The following FBXL17 variants were observed in gnomAD, a reference collection of about 807,000 sequenced individuals.
FBXL17 encodes the protein F-box/LRR-repeat protein 17.
FBXL17 carries 22 observed loss-of-function variants against 66.2 expected under a neutral mutation model. The ratio of observed to expected loss-of-function variants is 0.33; its 90% CI spans 0.24 to 0.47. FBXL17 has a LOEUF of 0.47. FBXL17 is among the 20% of genes least tolerant of loss of function. The probability of loss-of-function intolerance (pLI) is 1.00; values close to 1 mark genes in which losing one functional copy is unlikely to be tolerated. For synonymous variants in FBXL17, 474 were observed against 400.5 expected (o/e 1.18, Z -2.19); for missense variants, 878 against 948.2 (o/e 0.93, Z 0.97).
At chr5:108,200,008 CT>C (rs1375603357) in intron 5 of FBXL17, among the ~76,000 whole-genome samples, 1 of 152,074 alleles carries the variant, frequency 6.6e-6, no homozygotes, top group Admixed American at 6.6e-5. Context: ...GCTGAAGACA[CT>C]GAAGCTGATC....
chr5:108,136,554 T>C (rs1041353708), intron 6 of FBXL17, among the ~76,000 whole-genome samples: 3 of 152,300 alleles, frequency 2.0e-5, no homozygotes, highest in African/African-American at 4.8e-5. Flanking sequence ...AATAGCTGAA[T>C]AGCTTCTGCA....
chr5:107,926,944 G>A (rs534884315), intron 7 of FBXL17, among the ~76,000 whole-genome samples: 2 of 151,764 alleles, frequency 1.3e-5, no homozygotes, highest in African/African-American at 2.4e-5. Context: ...TAAAATTACC[G>A]GTTAAACATT....
At chr5:108,297,870 A>T (rs1472752758) in intron 4 of FBXL17, 1 of 910,364 alleles carries the variant, frequency 1.1e-6, no homozygotes, top group East Asian at 1.2e-4. Context: ...TACAGTTTTT[A>T]CAACAAACAA....
rs1182133885 is a variant in FBXL17 at position 108,345,577 on chromosome 5, A to G, written c.1506+2822T>C. Among the ~76,000 whole-genome samples the G allele has an allele frequency of 3.3e-5, 5 of 149,884 alleles. No individual in the cohort carries two copies. The Admixed American group carries it at 3.4e-4, about 10-fold the overall frequency. On this transcript the variant is annotated intron_variant, in intron 4 of 8. Transcript: ENST00000542267. Reference sequence around the variant, plus strand: ...TGGTAAGTTCATCCTGTGGCATTCTAGATACAATTATTTTAAATAACTTAA... The same window carrying G: ...TGGTAAGTTCATCCTGTGGCATTCTGGATACAATTATTTTAAATAACTTAA...
At chr5:107,907,276 T>C (rs553117159) in intron 7 of FBXL17, among the ~76,000 whole-genome samples, 1 of 152,270 alleles carries the variant, frequency 6.6e-6, no homozygotes, top group South Asian at 2.1e-4. Flanking sequence ...ATGATCTAAA[T>C]GGGGAAGCTC....
At chr5:107,923,250 G>T (rs1750383334) in intron 7 of FBXL17, among the ~76,000 whole-genome samples, 1 of 152,104 alleles carries the variant, frequency 6.6e-6, no homozygotes, top group Non-Finnish European at 1.5e-5. Context: ...GTCATTTCAG[G>T]AAAGCACAAA....
chr5:108,214,553 G>T (rs1204045107), intron 5 of FBXL17, among the ~76,000 whole-genome samples: 3 of 151,800 alleles, frequency 2.0e-5, no homozygotes, highest in Non-Finnish European at 2.9e-5. Context: ...AATATTTTTA[G>T]TAGAGACAGC....
At chr5:108,362,730 T>A (rs962290405) in intron 3 of FBXL17, among the ~76,000 whole-genome samples, 1 of 152,032 alleles carries the variant, frequency 6.6e-6, no homozygotes, top group African/African-American at 2.4e-5. Context: ...GAGCTCCAAA[T>A]TGAAATGCTA....
chr5:108,135,473 C>T (rs554954552), intron 6 of FBXL17, among the ~76,000 whole-genome samples: 4 of 152,176 alleles, frequency 2.6e-5, no homozygotes, highest in African/African-American at 9.6e-5. Context: ...AATGAAACCA[C>T]GTTTATAATA....
chr5:108,143,229 C>T (rs564268568), intron 6 of FBXL17, among the ~76,000 whole-genome samples: 2 of 151,842 alleles, frequency 1.3e-5, no homozygotes, highest in East Asian at 1.9e-4. Flanking sequence ...AATTTCAATG[C>T]TTAAAGGAGA....
intron 6 of FBXL17, among the ~76,000 whole-genome samples, chr5:108,128,770 C>A (rs1750814015): frequency 2.0e-5 from 3 of 152,032 alleles, no homozygotes. Flanking sequence ...AAGAAAGCAA[C>A]TGGGAAACAC....
At chr5:108,321,519 A>G (rs988163465) in intron 4 of FBXL17, among the ~76,000 whole-genome samples, 3 of 151,938 alleles carry the variant, frequency 2.0e-5, no homozygotes, top group African/African-American at 7.2e-5. Flanking sequence ...CTATTCTCTT[A>G]AAGAATCTGC....
chr5:107,952,764 T>A (rs764803330), intron 7 of FBXL17, among the ~76,000 whole-genome samples: 7 of 152,224 alleles, frequency 4.6e-5, no homozygotes, highest in African/African-American at 7.2e-5. Context: ...CACATTCAGA[T>A]TAAACTATAC....
intron 4 of FBXL17, among the ~76,000 whole-genome samples, chr5:108,257,379 A>G (rs1367527781): frequency 6.6e-6 from 1 of 152,220 alleles, no homozygotes; most frequent in Non-Finnish European, 1.5e-5. Context: ...CCATAAGCAT[A>G]CATCCACCAT....
chr5:108,044,266 GA>G (rs34083146), intron 6 of FBXL17, among the ~76,000 whole-genome samples: 117,763 of 151,884 alleles, frequency 0.78, 46,022 homozygotes, highest in East Asian at 0.93. Context: ...TGGTCATAAT[GA>G]AAAAAAACAT....
intron 4 of FBXL17, among the ~76,000 whole-genome samples, chr5:108,277,659 G>A (rs1167650633): frequency 1.3e-5 from 2 of 152,096 alleles, no homozygotes; most frequent in African/African-American, 4.8e-5. Flanking sequence ...GCAGTAATTG[G>A]TACAAAGAAA....
intron 7 of FBXL17, among the ~76,000 whole-genome samples, chr5:107,934,474 A>T (rs1750833452): frequency 6.6e-6 from 1 of 152,124 alleles, no homozygotes; most frequent in South Asian, 2.1e-4. Flanking sequence ...CAAACCTTGA[A>T]CCTTTCTTTG....
At chr5:108,248,280 G>C (rs537847665) in intron 4 of FBXL17, among the ~76,000 whole-genome samples, 1 of 152,148 alleles carries the variant, frequency 6.6e-6, no homozygotes, top group Non-Finnish European at 1.5e-5. Context: ...CCACATGGAA[G>C]TTTTTGAACT....
intron 2 of FBXL17, among the ~76,000 whole-genome samples, chr5:108,366,504 C>T (rs1488196707): frequency 1.4e-5 from 2 of 144,586 alleles, no homozygotes; most frequent in Non-Finnish European, 3.0e-5. Flanking sequence ...ATAACTCTGA[C>T]ATACCTCTCC....
Sources: allele counts gnomAD v4.1 joint callset (sites outside exome capture counted in the v4.1 genomes callset), GRCh38; gene constraint gnomAD v4.1.1; transcripts MANE v1.5; gene names NCBI Gene and HGNC (gene_info 2026-07-23, HGNC 2026-07-21).